GPR158: variants seen among roughly 807,000 people sequenced by gnomAD.
GPR158 encodes the protein metabotropic glycine receptor.
GPR158 carries 30 observed loss-of-function variants against 78.2 expected under a neutral mutation model. The ratio of observed to expected loss-of-function variants is 0.38; its 90% CI spans 0.29 to 0.52. The LOEUF (loss-of-function observed/expected upper bound fraction) is 0.52, where lower values mean the gene tolerates loss of function less well. Among genes scored for constraint, GPR158 ranks in the 20% least tolerant of loss-of-function variants. The probability of loss-of-function intolerance (pLI) is 0.83; values close to 1 mark genes in which losing one functional copy is unlikely to be tolerated. For missense variants in GPR158, 1,463 were observed against 1,523.5 expected (o/e 0.96, Z 0.66); for synonymous variants, 581 against 591.1 (o/e 0.98, Z 0.25).
chr10:25,582,404 G>A (rs1837214909), intron 7 of GPR158, among the ~76,000 whole-genome samples: 1 of 152,130 alleles, frequency 6.6e-6, no homozygotes, highest in South Asian at 2.1e-4. Flanking sequence ...GCCAGAGAGA[G>A]AACAGTATAG....
chr10:25,600,011 T>C lies in GPR158; in HGVS notation c.*737T>C, dbSNP rs975478244. 6.5e-6 allele frequency: 1 copy of C among 152,678 alleles called. No homozygotes were observed. The highest frequency in any genetic ancestry group is 2.4e-5 in the African/African-American group (1 of 41,472). 9.5% of individuals were successfully genotyped at this position (152,678 alleles called of 1,614,324 possible). ...CCATAACTGTTACTATAAAAACTTT[T>C]AGTTTTGGCTGTGGTTTATATATTG... is the stretch of plus-strand genomic sequence containing the variant. On this transcript the variant is annotated 3_prime_UTR_variant, in exon 11 of 11. Coordinates refer to ENST00000376351, the MANE Select transcript of GPR158 (RefSeq NM_020752.3).
At chr10:25,493,730 G>T (rs1835842124) in intron 5 of GPR158, among the ~76,000 whole-genome samples, 1 of 152,168 alleles carries the variant, frequency 6.6e-6, no homozygotes, top group African/African-American at 2.4e-5. Context: ...TAACCATATA[G>T]ATTAGTAAAT....
chr10:25,538,983 A>G (rs1043408919), intron 5 of GPR158, among the ~76,000 whole-genome samples: 4 of 152,180 alleles, frequency 2.6e-5, no homozygotes, highest in African/African-American at 7.2e-5. Context: ...GCCTCTTCTC[A>G]TAGAGAGATG....
At chr10:25,214,029 C>T (rs1266090575) in intron 1 of GPR158, among the ~76,000 whole-genome samples, 1 of 152,146 alleles carries the variant, frequency 6.6e-6, no homozygotes, top group Non-Finnish European at 1.5e-5. Context: ...GAGTCTCGCT[C>T]TATCGCCCAG....
chr10:25,195,944 T>C lies in GPR158; in HGVS notation c.902+19622T>C, dbSNP rs75210118. Among the ~76,000 whole-genome samples, 212 of 152,318 alleles carry C rather than the reference T, an allele frequency of 1.4e-3. 2 individuals are homozygous for C. Among genetic ancestry groups the C allele is most frequent in the African/African-American group, 5.0e-3 (208 of 41,572 alleles). ...AAAACTTTGATGTAACCTGATTTAT[T>C]ATACCTTTGTAGGTAATATTTTCTC... On this transcript the variant is annotated intron_variant, in intron 1 of 10. Transcript: ENST00000376351.
intron 7 of GPR158, 93 bp from the exon 8 acceptor site, chr10:25,588,914 A>C: frequency 3.8e-6 from 3 of 780,488 alleles, no homozygotes; most frequent in Non-Finnish European, 1.9e-6. Flanking sequence ...ATTTATAAAA[A>C]ACTTATGTTG....
intron 2 of GPR158, among the ~76,000 whole-genome samples, chr10:25,314,863 A>G (rs895526092): frequency 6.2e-5 from 1 of 16,004 alleles, no homozygotes; most frequent in Non-Finnish European, 4.6e-4. Context: ...ACACACTGTC[A>G]TATATATATA....
At chr10:25,210,005 A>G (rs1411585783) in intron 1 of GPR158, among the ~76,000 whole-genome samples, 1 of 152,236 alleles carries the variant, frequency 6.6e-6, no homozygotes, top group Non-Finnish European at 1.5e-5. Context: ...ATGCACACAG[A>G]TAAGGAAGAC....
At chr10:25,187,801 A>G (rs1006974674) in intron 1 of GPR158, among the ~76,000 whole-genome samples, 51 of 152,162 alleles carry the variant, frequency 3.4e-4, no homozygotes, top group African/African-American at 1.1e-3. Flanking sequence ...GGCAGGAGAA[A>G]GAAATAAAGG....
At position 25,215,345 on chromosome 10, in the gene GPR158, G is replaced by A. The variant is rs556624444; in HGVS notation, c.903-5707G>A. The stretch of plus-strand genomic sequence containing the variant: ...CATAGAGACAGAAAGTAGAAAAGTA[G>A]TTCTAATCCAAGTGCTTGGCAGAGT... On this transcript the variant is annotated intron_variant, in intron 1 of 10. Coordinates refer to ENST00000376351, the MANE Select transcript of GPR158 (RefSeq NM_020752.3). 1.1e-4 allele frequency among the ~76,000 whole-genome samples: 16 copies of A among 152,128 alleles called. No homozygotes were observed. The South Asian group carries it at 3.3e-3, about 32-fold the overall frequency.
At chr10:25,314,088 T>G (rs971325109) in intron 2 of GPR158, among the ~76,000 whole-genome samples, 3 of 151,960 alleles carry the variant, frequency 2.0e-5, no homozygotes, top group Admixed American at 1.3e-4. Flanking sequence ...TTTATCTAGG[T>G]TTTTGAATTT....
chr10:25,277,319 A>C (rs1182919482), intron 2 of GPR158, among the ~76,000 whole-genome samples: 2 of 152,198 alleles, frequency 1.3e-5, no homozygotes, highest in African/African-American at 4.8e-5. Flanking sequence ...AGATAAAGTT[A>C]TAATGAGTAG....
At chr10:25,364,790 T>C (rs976336176) in intron 2 of GPR158, among the ~76,000 whole-genome samples, 1 of 151,860 alleles carries the variant, frequency 6.6e-6, no homozygotes, top group African/African-American at 2.4e-5. Context: ...TAAGAAGATA[T>C]AGCTACTTTC....
At chr10:25,339,426 T>C (rs1453359836) in intron 2 of GPR158, among the ~76,000 whole-genome samples, 2 of 152,272 alleles carry the variant, frequency 1.3e-5, no homozygotes, top group East Asian at 3.9e-4. Context: ...GGGTTTCTAT[T>C]TGCACATGTT....
intron 2 of GPR158, among the ~76,000 whole-genome samples, chr10:25,233,284 G>A (rs1853477396): frequency 6.6e-6 from 1 of 152,214 alleles, no homozygotes; most frequent in African/African-American, 2.4e-5. Flanking sequence ...CTGTAATGAA[G>A]TGAAGCCATG....
At chr10:25,366,096 T>C (rs1322640018) in intron 2 of GPR158, among the ~76,000 whole-genome samples, 1 of 151,650 alleles carries the variant, frequency 6.6e-6, no homozygotes, top group South Asian at 2.1e-4. Flanking sequence ...TATTTTAATA[T>C]AGCACAATTT....
chr10:25,489,693 C>T (rs1835779131), intron 5 of GPR158, among the ~76,000 whole-genome samples: 1 of 152,128 alleles, frequency 6.6e-6, no homozygotes, highest in African/African-American at 2.4e-5. Context: ...GCCTTCCCTT[C>T]AGTCGCCTCC....
chr10:25,503,473 T>C (rs751180936), intron 5 of GPR158, among the ~76,000 whole-genome samples: 30 of 152,196 alleles, frequency 2.0e-4, no homozygotes, highest in Non-Finnish European at 4.1e-4. Context: ...TTCTGCATTA[T>C]TAAGAGTGGA....
At chr10:25,264,313 C>A (rs373028100) in intron 2 of GPR158, among the ~76,000 whole-genome samples, 3 of 152,222 alleles carry the variant, frequency 2.0e-5, no homozygotes, top group African/African-American at 4.8e-5. Flanking sequence ...CTTGGGGAAG[C>A]CAGTTGCCAT....
Sources: gnomAD v4.1 joint callset for allele counts (sites outside exome capture counted in the v4.1 genomes callset) on GRCh38, gnomAD v4.1.1 for gene constraint, MANE v1.5 for transcripts, NCBI Gene and HGNC (gene_info 2026-07-23, HGNC 2026-07-21) for gene names.